The following RGS6 variants were observed in gnomAD, a reference collection of about 807,000 sequenced individuals.
RGS6 encodes the protein regulator of G protein signaling 6, also known as regulator of G-protein signaling 6.
A neutral mutation model predicts 78.5 loss-of-function variants in RGS6; 30 were observed. That is an observed-to-expected ratio of 0.38 (90% CI 0.29 to 0.52). RGS6 has a LOEUF of 0.52. Among genes scored for constraint, RGS6 ranks in the 20% least tolerant of loss-of-function variants. The probability of loss-of-function intolerance (pLI) is 0.85; values close to 1 mark genes in which losing one functional copy is unlikely to be tolerated. For synonymous variants in RGS6, 206 were observed against 206.0 expected, an observed-to-expected ratio of 1.00 and a Z score of 0.00; for missense variants, 495 against 609.7, an observed-to-expected ratio of 0.81 and a Z score of 1.98.
chr14:71,877,979 G>C, the RGS6 span, among the ~76,000 whole-genome samples: 1 of 152,198 alleles, frequency 6.6e-6, no homozygotes, highest in African/African-American at 2.4e-5. Flanking sequence ...GGTATCACCA[G>C]CAGAGGCAGC....
intron 2 of RGS6, among the ~76,000 whole-genome samples, chr14:72,345,792 C>G (rs2077920714): frequency 6.6e-6 from 1 of 152,160 alleles, no homozygotes; most frequent in African/African-American, 2.4e-5. Context: ...GTCCACTAAG[C>G]CAGTACGTAC....
At chr14:72,373,917 C>T (rs1338162010) in intron 3 of RGS6, among the ~76,000 whole-genome samples, 2 of 151,730 alleles carry the variant, frequency 1.3e-5, no homozygotes. Flanking sequence ...TTATAACAAT[C>T]ATTTGATAGT....
chr14:72,570,211 G>C (rs559207159), downstream of RGS6, among the ~76,000 whole-genome samples: 5 of 152,332 alleles, frequency 3.3e-5, no homozygotes, highest in East Asian at 9.6e-4. Context: ...ATTGTATTAA[G>C]TATTATAAGC....
chr14:72,422,941 C>T (rs1286264806), intron 3 of RGS6, among the ~76,000 whole-genome samples: 1 of 152,220 alleles, frequency 6.6e-6, no homozygotes, highest in African/African-American at 2.4e-5. Context: ...TAGAAAGAAC[C>T]AACTCTGCCG....
intron 2 of RGS6, among the ~76,000 whole-genome samples, chr14:71,976,606 G>A (rs1262037651): frequency 1.3e-5 from 2 of 152,010 alleles, no homozygotes; most frequent in African/African-American, 4.8e-5. Flanking sequence ...CTTTTTTATG[G>A]CTGCATAGTA....
intron 2 of RGS6, among the ~76,000 whole-genome samples, chr14:72,071,664 C>T (rs574201578): frequency 1.3e-5 from 2 of 152,232 alleles, no homozygotes; most frequent in African/African-American, 4.8e-5. Context: ...TATCTATGTG[C>T]ATATTCGTAG....
intron 2 of RGS6, among the ~76,000 whole-genome samples, chr14:72,137,207 C>T (rs958524498): frequency 1.3e-5 from 2 of 152,202 alleles, no homozygotes; most frequent in East Asian, 1.9e-4. Context: ...CAGTTTTCCA[C>T]ATTGACATTT....
In RGS6 at chr14:72,520,837, G is replaced by C. The variant is rs528961353; in HGVS notation, c.1278+2300G>C. Among the ~76,000 whole-genome samples, 24 of 152,300 alleles carry C rather than the reference G, an allele frequency of 1.6e-4. No homozygotes were observed. The South Asian group carries it at 4.8e-3, about 30-fold the overall frequency. ...TTGATGCTTGGATTGGGCCATCTCT[G>C]GCCAGTTGGCTCTTTCTGACACAGC... On this transcript the variant is annotated intron_variant, in intron 15 of 17. Transcript: ENST00000553525.
chr14:72,502,415 A>G (rs2096739025), intron 13 of RGS6, among the ~76,000 whole-genome samples: 2 of 152,186 alleles, frequency 1.3e-5, no homozygotes, highest in Admixed American at 1.3e-4. Flanking sequence ...GGAGAGTGAA[A>G]GAGACTAATA....
At chr14:72,313,416 G>A (rs2069153898) in intron 2 of RGS6, among the ~76,000 whole-genome samples, 2 of 152,360 alleles carry the variant, frequency 1.3e-5, no homozygotes, top group African/African-American at 4.8e-5. Context: ...TTGCCACTTA[G>A]TGGGCACTCA....
intron 2 of RGS6, among the ~76,000 whole-genome samples, chr14:72,173,697 A>C (rs1388949103): frequency 6.6e-6 from 1 of 152,194 alleles, no homozygotes; most frequent in Non-Finnish European, 1.5e-5. Context: ...AATTCTATTT[A>C]AAAATACTCA....
At chr14:72,003,760 T>C (rs1191061486) in intron 2 of RGS6, among the ~76,000 whole-genome samples, 13 of 152,090 alleles carry the variant, frequency 8.5e-5, no homozygotes. Flanking sequence ...GAACGTGTAC[T>C]GTGTTGTCAT....
rs558706214 is a variant in RGS6, at chr14:72,403,167, A to G, written c.184+50973A>G. 1.0e-3 allele frequency among the ~76,000 whole-genome samples: 155 copies of G among 152,282 alleles called. 1 individual carries two copies. Among genetic ancestry groups the G allele is most frequent in the African/African-American group, 3.7e-3 (152 of 41,556 alleles). ...ACCTGCACCCCATGTTTATCACAGCACTATTCACAATCGCTAAGATATTGA... is the reference window on the plus strand; with the variant it reads ...ACCTGCACCCCATGTTTATCACAGCGCTATTCACAATCGCTAAGATATTGA... On this transcript the variant is annotated intron_variant, in intron 3 of 17. Coordinates refer to ENST00000553525, the MANE Select transcript of RGS6 (RefSeq NM_001204424.2).
At chr14:72,155,461 C>T (rs1567331108) in intron 2 of RGS6, among the ~76,000 whole-genome samples, 1 of 152,160 alleles carries the variant, frequency 6.6e-6, no homozygotes, top group East Asian at 1.9e-4. Flanking sequence ...AACTAACCAC[C>T]CACAATGCAG....
At chr14:72,121,138 T>TC (rs1361092450) in intron 2 of RGS6, among the ~76,000 whole-genome samples, 1 of 152,070 alleles carries the variant, frequency 6.6e-6, no homozygotes, top group African/African-American at 2.4e-5. Context: ...GGCTGGCTTC[T>TC]CCCTCCCTGG....
chr14:72,515,106 A>G (rs2096924292), intron 14 of RGS6, among the ~76,000 whole-genome samples: 1 of 152,198 alleles, frequency 6.6e-6, no homozygotes, highest in Non-Finnish European at 1.5e-5. Flanking sequence ...CTGTTGCCTG[A>G]GAGAGACAAG....
intron 12 of RGS6, among the ~76,000 whole-genome samples, chr14:72,483,230 G>A (rs531375108): frequency 1.3e-5 from 2 of 152,132 alleles, no homozygotes; most frequent in Non-Finnish European, 2.9e-5. Flanking sequence ...GACTTCTCCC[G>A]ACCCATAGCG....
At chr14:72,218,794 T>G (rs920531159) in intron 2 of RGS6, among the ~76,000 whole-genome samples, 3 of 151,996 alleles carry the variant, frequency 2.0e-5, no homozygotes, top group Non-Finnish European at 1.5e-5. Flanking sequence ...GTATTTTTAG[T>G]AGAGATGGGG....
intron 3 of RGS6, among the ~76,000 whole-genome samples, chr14:72,410,152 A>G (rs2153047987): frequency 6.6e-6 from 1 of 152,338 alleles, no homozygotes; most frequent in African/African-American, 2.4e-5. Context: ...AACTTCCACA[A>G]TGGTTGAACT....
Sources: gnomAD v4.1 joint callset for allele counts (sites outside exome capture counted in the v4.1 genomes callset) on GRCh38, gnomAD v4.1.1 for gene constraint, MANE v1.5 for transcripts, NCBI Gene and HGNC (gene_info 2026-07-23, HGNC 2026-07-21) for gene names.